The following TNFAIP1 variants were observed in gnomAD, a reference collection of about 807,000 sequenced individuals.
TNFAIP1 encodes TNF alpha induced protein 1.
A neutral mutation model predicts 32.6 loss-of-function variants in TNFAIP1; 20 were observed. That is an observed-to-expected ratio of 0.61 (90% CI 0.43 to 0.89). The LOEUF is 0.89. Among genes scored for constraint, TNFAIP1 ranks in the 40% least tolerant of loss-of-function variants. The pLI, the probability that TNFAIP1 is intolerant of heterozygous loss-of-function variation, is 0.00. For missense variants in TNFAIP1, 319 were observed against 425.1 expected (o/e 0.75, Z 2.20); for synonymous variants, 166 against 166.8 (o/e 1.00, Z 0.04).
At chr17:28,338,997 G>A (rs1567785622) in intron 1 of TNFAIP1, among the ~76,000 whole-genome samples, 1 of 151,428 alleles carries the variant, frequency 6.6e-6, no homozygotes, top group Non-Finnish European at 1.5e-5. Context: ...TTGGGAGACT[G>A]AGGTGGGCGG....
chr17:28,342,063 C>T lies in TNFAIP1; in HGVS notation c.519-184C>T, dbSNP rs1265475742. Among the ~76,000 whole-genome samples, 7 of 152,176 alleles carry T rather than the reference C, an allele frequency of 4.6e-5. No homozygotes were observed. Among genetic ancestry groups the T allele is most frequent in the African/African-American group, 1.4e-4 (6 of 41,436 alleles). Reference sequence around the variant, plus strand: ...ACTTAAAACCAACTGAGTTCCTTTTCCTCACAGGCCCCCCAACCCAGAGGG... The same window carrying T: ...ACTTAAAACCAACTGAGTTCCTTTTTCTCACAGGCCCCCCAACCCAGAGGG... On this transcript the variant is annotated intron_variant, in intron 5 of 6. Coordinates refer to ENST00000226225, the MANE Select transcript of TNFAIP1 (RefSeq NM_021137.5). This position sits in a 1 kb window ranked among gnomAD's most constrained non-coding sequence, Gnocchi z 4.0.
At chr17:28,339,858 G>T in intron 2 of TNFAIP1, 132 bp downstream of exon 2, 1 of 859,064 alleles carries the variant, frequency 1.2e-6, no homozygotes, top group Non-Finnish European at 1.7e-6. Context: ...CCCTAGTAGA[G>T]CTTCAGAATT....
In TNFAIP1 at chr17:28,344,614, G is replaced by C. The variant is rs1029869131; in HGVS notation, c.*14G>C. The C allele has an allele frequency of 6.2e-7, 1 of 1,609,610 alleles. No individual in the cohort carries two copies. Among genetic ancestry groups the C allele is most frequent in the East Asian group, 2.2e-5 (1 of 44,864 alleles). On this transcript the variant is annotated 3_prime_UTR_variant, in exon 7 of 7. Transcript: ENST00000226225. Reference sequence around the variant, plus strand: ...CATCGCGACTGACCAGACCCTCAGGGAGTCAGGGCACGGGAGGCCCTATCT... The same window carrying C: ...CATCGCGACTGACCAGACCCTCAGGCAGTCAGGGCACGGGAGGCCCTATCT...
At chr17:28,338,034 T>G (rs1385130868) in intron 1 of TNFAIP1, among the ~76,000 whole-genome samples, 5 of 152,266 alleles carry the variant, frequency 3.3e-5, no homozygotes, top group Non-Finnish European at 7.3e-5. Context: ...TTATGATGCT[T>G]CTTTGAACTG....
intron 6 of TNFAIP1, among the ~76,000 whole-genome samples, chr17:28,344,054 A>G (rs552309657): frequency 1.3e-5 from 2 of 152,166 alleles, no homozygotes; most frequent in Non-Finnish European, 2.9e-5. Flanking sequence ...GTTCAGCCCA[A>G]GGCTCCACAG....
Position 28,342,355 on chromosome 17 carries a change from C to T in TNFAIP1, c.627C>T (p.Cys209=), listed in dbSNP as rs1555578292. The T allele has an allele frequency of 1.9e-6, 3 of 1,608,034 alleles. No individual in the cohort carries two copies. The Admixed American group carries it at 5.0e-5, about 27-fold the overall frequency. ...FIKDVIGDEI[C]CWSFYGQGRK... ...AGGATGTCATTGGTGACGAGATCTG[C>T]TGCTGGTCCTTTTATGGCCAGGGCC... The change falls in exon 6 of 7, where the codon TGC becomes TGT. Residue 209 remains cysteine, a synonymous_variant. Transcript: ENST00000226225. The surrounding 1 kb of genome is among the most constrained non-coding windows in gnomAD (Gnocchi z 4.0).
rs997025398 is a variant in TNFAIP1 at position 28,346,446 on chromosome 17, T to C, written c.*1846T>C. ...AAATTCCCAGCTCCCCACTGAGGTG[T>C]TGTGATGCTTGCCTTTTGACCTCCC... On this transcript the variant is annotated 3_prime_UTR_variant, in exon 7 of 7. Transcript: ENST00000226225. 1.3e-5 allele frequency: 2 copies of C among 152,226 alleles called. No individual in the cohort carries two copies. The highest frequency in any genetic ancestry group is 2.9e-5 in the Non-Finnish European group (2 of 68,054). 9.4% of individuals were successfully genotyped at this position (152,226 alleles called of 1,614,324 possible). A position where few individuals can be genotyped will look rare whatever the true frequency, so the allele number is the denominator to read the frequency against.
intron 1 of TNFAIP1, among the ~76,000 whole-genome samples, chr17:28,337,986 C>A (rs1907235545): frequency 6.6e-6 from 1 of 152,174 alleles, no homozygotes; most frequent in African/African-American, 2.4e-5. Context: ...CGTAGGGGTA[C>A]AATAAATGCT....
Position 28,339,707 on chromosome 17 carries a change from G to T in TNFAIP1, c.186G>T (p.Glu62Asp). ...AGGCCATGTTCAGTGGGCGCATGGA[G>T]GTGCTGACCGACAAAGAAGGTGAGG... ...MLKAMFSGRM[E>D]VLTDKEGWIL... The change falls in exon 2 of 7, where the codon GAG becomes GAT. Residue 62 changes from glutamate (E) to aspartate (D), a missense_variant. Coordinates refer to ENST00000226225, the MANE Select transcript of TNFAIP1 (RefSeq NM_021137.5). The T allele has an allele frequency of 6.2e-7, 1 of 1,613,864 alleles. No individual in the cohort carries two copies. The highest frequency in any genetic ancestry group is 8.5e-7 in the Non-Finnish European group (1 of 1,179,944).
Position 28,342,607 on chromosome 17 carries a change from G to C in TNFAIP1, c.714+165G>C. 1 of 624,182 alleles carries C rather than the reference G, an allele frequency of 1.6e-6. No individual in the cohort carries two copies. 38.7% of individuals were successfully genotyped at this position (624,182 alleles called of 1,614,324 possible). A position where few individuals can be genotyped will look rare whatever the true frequency, so the allele number is the denominator to read the frequency against. On this transcript the variant is annotated intron_variant, in intron 6 of 6. Transcript: ENST00000226225. The surrounding 1 kb of genome is among the most constrained non-coding windows in gnomAD (Gnocchi z 4.0). ...GGACAAGGCCAGAACAAGGGGTGTG[G>C]GGAATGGACGGGAACTGCTTTGTTC...
chr17:28,338,635 C>G (rs1907253662), intron 1 of TNFAIP1, among the ~76,000 whole-genome samples: 1 of 151,960 alleles, frequency 6.6e-6, no homozygotes, highest in African/African-American at 2.4e-5. Context: ...GCTCTGGAGG[C>G]TGGAATCTTT....
rs1555578020 is a variant in TNFAIP1, at chr17:28,340,546, G to A, written c.375+68G>A. ...AGTTGCCCCCTTCTTGTGGGATGGA[G>A]GACTCTGGTTCCTGGCAGGTTGTGT... On this transcript the variant is annotated intron_variant, in intron 3 of 6. Transcript: ENST00000226225. The surrounding 1 kb of genome is among the most constrained non-coding windows in gnomAD (Gnocchi z 4.1). 5 of 1,565,410 alleles carry A rather than the reference G, an allele frequency of 3.2e-6. No individual in the cohort carries two copies. The highest frequency in any genetic ancestry group is 4.4e-6 in the Non-Finnish European group (5 of 1,145,504).
In TNFAIP1 at chr17:28,344,558, C is replaced by T. The variant is rs138477954; in HGVS notation, c.909C>T (p.Tyr303=). Residue 303 remains tyrosine (Y), a synonymous_variant, in exon 7 of 7, where the codon TAC becomes TAT. Transcript: ENST00000226225. ...TCCACGTCAAGCGCTACAGCACTTA[C>T]GATGACCGGCAGCTCGGCCACCAGT... The part of the protein sequence containing the change: ...RRIHVKRYST[Y]DDRQLGHQST... The T allele has an allele frequency of 1.8e-4, 284 of 1,613,642 alleles. No homozygotes were observed. In the African/African-American group the frequency reaches 3.6e-3, roughly 20 times the overall value.
Position 28,340,297 on chromosome 17 carries a change from C to T in TNFAIP1, c.206-12C>T. On this transcript the variant is annotated splice_polypyrimidine_tract_variant and intron_variant, in intron 2 of 6. Coordinates refer to ENST00000226225, the MANE Select transcript of TNFAIP1 (RefSeq NM_021137.5). The surrounding 1 kb of genome is among the most constrained non-coding windows in gnomAD (Gnocchi z 4.1). ...CGGCAAACTAACCCTGTAGGGCCTT[C>T]TGCACCCCTAGGCTGGATCCTCATA... is the stretch of plus-strand genomic sequence containing the variant. 6.2e-7 allele frequency: 1 copy of T among 1,613,326 alleles called. No homozygotes were observed. The highest frequency in any genetic ancestry group is 8.5e-7 in the Non-Finnish European group (1 of 1,179,504).
At chr17:28,336,216 C>G (rs543944446) in intron 1 of TNFAIP1, among the ~76,000 whole-genome samples, 1 of 152,230 alleles carries the variant, frequency 6.6e-6, no homozygotes, top group East Asian at 1.9e-4. Context: ...CCTCTTTCCA[C>G]CTCCGCGGCT....
At chr17:28,339,044 A>T (rs1907264408) in intron 1 of TNFAIP1, among the ~76,000 whole-genome samples, 1 of 150,716 alleles carries the variant, frequency 6.6e-6, no homozygotes. Flanking sequence ...CAGCCTGGGC[A>T]GCATGGTAAA....
chr17:28,346,255 CTACTAGTTCT>C lies in TNFAIP1; in HGVS notation c.*1657_*1666del, dbSNP rs555759609. 13 of 152,364 alleles carry C rather than the reference CTACTAGTTCT, an allele frequency of 8.5e-5. No individual in the cohort carries two copies. The South Asian group carries it at 2.1e-3, about 24-fold the overall frequency. 9.4% of individuals were successfully genotyped at this position (152,364 alleles called of 1,614,324 possible). ...TCAGGTCAGGTACCTTGGTGATCAG[CTACTAGTTCT>C]TCCAGCCCTCATTGAGGTAACAAGA... is the stretch of plus-strand genomic sequence containing the variant. On this transcript the variant is annotated 3_prime_UTR_variant, in exon 7 of 7. Coordinates refer to ENST00000226225, the MANE Select transcript of TNFAIP1 (RefSeq NM_021137.5).
intron 1 of TNFAIP1, among the ~76,000 whole-genome samples, chr17:28,336,932 G>T (rs1456538245): frequency 6.6e-6 from 1 of 152,230 alleles, no homozygotes; most frequent in African/African-American, 2.4e-5. Context: ...GCATGGCATT[G>T]TGCTGAGCAC....
chr17:28,340,223 C>G lies in TNFAIP1; in HGVS notation c.206-86C>G. 6.8e-7 allele frequency: 1 copy of G among 1,461,936 alleles called. No homozygotes were observed. The highest frequency in any genetic ancestry group is 1.2e-5 in the South Asian group (1 of 81,676). The allele number at this position is 1,461,936 out of a possible 1,614,324, so 90.6% of individuals were successfully genotyped here. ...TGCTCGTGGACCCCCTTCCCTGCCACCTGCCGCCAGCTTGTCAGGTGGCCT... is the reference window on the plus strand; with the variant it reads ...TGCTCGTGGACCCCCTTCCCTGCCAGCTGCCGCCAGCTTGTCAGGTGGCCT... On this transcript the variant is annotated intron_variant, in intron 2 of 6. Transcript: ENST00000226225. This position sits in a 1 kb window ranked among gnomAD's most constrained non-coding sequence, Gnocchi z 4.1.
Sources: allele counts gnomAD v4.1 joint callset (sites outside exome capture counted in the v4.1 genomes callset), GRCh38; gene constraint gnomAD v4.1.1; non-coding constraint Gnocchi (gnomAD v3.1); transcripts MANE v1.5; gene names NCBI Gene and HGNC (gene_info 2026-07-23, HGNC 2026-07-21).